Variants in TRIP11 observed in about 807,000 individuals in gnomAD.
TRIP11 encodes thyroid receptor-interacting protein 11.
In TRIP11, 148 loss-of-function variants were observed where a neutral mutation model predicts 223.1. The observed-to-expected ratio is 0.66, with a 90% confidence interval of 0.58 to 0.76. The LOEUF (loss-of-function observed/expected upper bound fraction) is 0.76, where lower values mean the gene tolerates loss of function less well. Among genes scored for constraint, TRIP11 ranks in the 30% least tolerant of loss-of-function variants. The pLI, the probability that TRIP11 is intolerant of heterozygous loss-of-function variation, is 0.00. For synonymous variants in TRIP11, 762 were observed against 772.6 expected (o/e 0.99, Z 0.23); for missense variants, 2,043 against 2,222.0 (o/e 0.92, Z 1.62).
rs2140118476 is a variant in TRIP11, at chr14:92,005,371, A to G, written c.2605T>C (p.Leu869=). The G allele has an allele frequency of 6.2e-7, 1 of 1,614,152 alleles. No individual in the cohort carries two copies. Among genetic ancestry groups the G allele is most frequent in the Non-Finnish European group, 8.5e-7 (1 of 1,180,030 alleles). ...KEENNHLQEE[L]ERLREEQSRT... is the part of the protein sequence containing the mutation. ...CTCTGCTCTTCCCTGAGTCGTTCCA[A>G]TTCTTCTTGCAGATGATTATTTTCC... The change falls in exon 11 of 21, where the codon TTG becomes CTG. Residue 869 remains leucine (L), a synonymous_variant. Coordinates refer to ENST00000267622, the MANE Select transcript of TRIP11 (RefSeq NM_004239.4).
chr14:92,005,088 T>C lies in TRIP11; in HGVS notation c.2888A>G (p.Glu963Gly). 3.1e-6 allele frequency: 5 copies of C among 1,613,866 alleles called. No individual in the cohort carries two copies. The highest frequency in any genetic ancestry group is 4.2e-6 in the Non-Finnish European group (5 of 1,180,028). Residue 963 changes from glutamate (E) to glycine (G), a missense_variant, in exon 11 of 21, where the codon GAG becomes GGG. By Grantham distance (98) the Glu-to-Gly change is moderately conservative (BLOSUM62 -2). Coordinates refer to ENST00000267622, the MANE Select transcript of TRIP11 (RefSeq NM_004239.4). ...TGTTTTTTGCAAACTCTTAATTTCC[T>C]CATCCTTCTCTAAAAAGAGCTGGGT... ...THTQLFLEKDEEIKSLQKTIE... is the reference protein window; with the variant it reads ...THTQLFLEKDGEIKSLQKTIE...
chr14:91,999,008 G>T (rs989154385), intron 13 of TRIP11, among the ~76,000 whole-genome samples: 1 of 152,140 alleles, frequency 6.6e-6, no homozygotes, highest in African/African-American at 2.4e-5. Context: ...TCAAAACACA[G>T]ACAGTTTGAA....
intron 5 of TRIP11, among the ~76,000 whole-genome samples, chr14:92,017,372 T>C (rs2057047699): frequency 6.6e-6 from 1 of 151,922 alleles, no homozygotes; most frequent in South Asian, 2.1e-4. Context: ...GCAAACCCCA[T>C]CTATACAAAA....
chr14:92,017,503 G>A (rs1476837395), intron 5 of TRIP11, among the ~76,000 whole-genome samples, 179 bp downstream of exon 5: 8 of 152,164 alleles, frequency 5.3e-5, no homozygotes, highest in Admixed American at 1.3e-4. Flanking sequence ...ACCTGATCAT[G>A]CCACTGCACT....
intron 3 of TRIP11, among the ~76,000 whole-genome samples, chr14:92,023,303 T>A (rs1397732118): frequency 1.3e-5 from 2 of 152,220 alleles, no homozygotes; most frequent in Admixed American, 6.5e-5. Flanking sequence ...GGGTTTCACA[T>A]TTCAGGTATT....
At chr14:92,020,379 G>A (rs190058573) in intron 4 of TRIP11, among the ~76,000 whole-genome samples, 53 of 151,958 alleles carry the variant, frequency 3.5e-4, no homozygotes, top group African/African-American at 1.2e-3. Flanking sequence ...GACAAAAAAG[G>A]GCTCCTTGGA....
Position 92,025,364 on chromosome 14 carries a change from C to G in TRIP11, c.258G>C (p.Glu86Asp). The G allele has an allele frequency of 1.2e-6, 2 of 1,613,506 alleles. No individual in the cohort carries two copies. Among genetic ancestry groups the G allele is most frequent in the Non-Finnish European group, 1.7e-6 (2 of 1,179,946 alleles). The change falls in exon 3 of 21, where the codon GAG becomes GAC. Residue 86 changes from glutamate to aspartate, a missense_variant. Glu to Asp is a conservative substitution (Grantham distance 45). Transcript: ENST00000267622. ...TTGTAGATTGCTGCTTTATTTGAAT[C>G]TCTGATGCTTCATGTTTCTCTTCTA... ...TDLEEKHEASEIQIKQQSTSY... is the reference protein window; with the variant it reads ...TDLEEKHEASDIQIKQQSTSY...
At chr14:91,995,211 G>A (rs2056734270) in intron 14 of TRIP11, 141 bp downstream of exon 14, 2 of 871,778 alleles carry the variant, frequency 2.3e-6, no homozygotes, top group African/African-American at 3.4e-5. Context: ...TTAACTTTTT[G>A]ATGGCTACTC....
intron 2 of TRIP11, 97 bp from the exon 3 acceptor site, chr14:92,025,517 C>A (rs894305649): frequency 1.9e-5 from 15 of 782,000 alleles, no homozygotes; most frequent in Middle Eastern, 2.3e-4. Flanking sequence ...TTTCCCCCCC[C>A]AAAAATGTCA....
rs572028677 is a variant in TRIP11 at position 91,995,212 on chromosome 14, A to G, written c.5056+140T>C. The G allele has an allele frequency of 4.8e-5, 42 of 880,152 alleles. No homozygotes were observed. The African/African-American group carries it at 6.5e-4, about 14-fold the overall frequency. 54.5% of individuals were successfully genotyped at this position (880,152 alleles called of 1,614,324 possible). On this transcript the variant is annotated intron_variant, in intron 14 of 20. Transcript: ENST00000267622. The stretch of plus-strand genomic sequence containing the variant: ...AAAAGGAGTCTAAATTAACTTTTTG[A>G]TGGCTACTCACCCTTCCCCTCTACC...
chr14:91,966,054 T>C lies in TRIP11; in HGVS notation c.*3619A>G. ...TGCCAACTTACATATATCATTTTTA[T>C]TTGGAGTATTTTTTTGCCTTGCAGT... On this transcript the variant is annotated 3_prime_UTR_variant, in exon 21 of 21. Transcript: ENST00000267622. The C allele has an allele frequency of 5.9e-6, 1 of 170,918 alleles. No homozygotes were observed. The highest frequency in any genetic ancestry group is 1.3e-5 in the Non-Finnish European group (1 of 78,618). 10.6% of individuals were successfully genotyped at this position (170,918 alleles called of 1,614,324 possible).
chr14:92,027,419 G>A (rs1186897779), intron 2 of TRIP11, among the ~76,000 whole-genome samples: 3 of 151,968 alleles, frequency 2.0e-5, no homozygotes, highest in Admixed American at 2.0e-4. Context: ...GTATGAGATG[G>A]TTAAAAAGGC....
chr14:91,970,071 A>T (rs1449596360), intron 20 of TRIP11, among the ~76,000 whole-genome samples, 178 bp from the exon 21 acceptor site: 1 of 152,210 alleles, frequency 6.6e-6, no homozygotes, highest in East Asian at 1.9e-4. Context: ...GACGGTAATA[A>T]CACTGGCATC....
rs752003745 is a variant in TRIP11 at position 92,037,399 on chromosome 14, T to C, written c.139+2148A>G. The stretch of plus-strand genomic sequence containing the variant: ...ACCAAGTACTTAAGTACCTGACATA[T>C]GAGCAGGGTTGTACAGGAGAATTGT... On this transcript the variant is annotated intron_variant, in intron 1 of 20. Transcript: ENST00000267622. The surrounding 1 kb of genome is among the most constrained non-coding windows in gnomAD (Gnocchi z 4.2). Among the ~76,000 whole-genome samples the C allele has an allele frequency of 2.0e-5, 3 of 152,190 alleles. No homozygotes were observed. Among genetic ancestry groups the C allele is most frequent in the Admixed American group, 6.5e-5 (1 of 15,278 alleles).
intron 2 of TRIP11, 37 bp from the exon 3 acceptor site, chr14:92,025,457 A>G (rs780974477): frequency 3.4e-6 from 5 of 1,458,624 alleles, no homozygotes; most frequent in Non-Finnish European, 2.9e-6. Flanking sequence ...AAAGACTGCA[A>G]GTAAAACATG....
intron 3 of TRIP11, 149 bp downstream of exon 3, chr14:92,025,161 G>A (rs2057165248): frequency 1.6e-6 from 1 of 639,672 alleles, no homozygotes; most frequent in South Asian, 2.0e-5. Flanking sequence ...ATTAAATAAG[G>A]GATATCAAAC....
intron 4 of TRIP11, among the ~76,000 whole-genome samples, chr14:92,017,984 CA>C (rs2140133578): frequency 6.6e-6 from 1 of 151,652 alleles, no homozygotes; most frequent in African/African-American, 2.4e-5. Flanking sequence ...AACAGTTTTA[CA>C]AAATAACTAA....
intron 16 of TRIP11, among the ~76,000 whole-genome samples, chr14:91,987,362 T>C (rs2056616079): frequency 6.6e-6 from 1 of 152,186 alleles, no homozygotes; most frequent in Non-Finnish European, 1.5e-5. Context: ...CCAGCTTACT[T>C]TGGCTTGTCC....
chr14:92,007,739 C>T lies in TRIP11; in HGVS notation c.1428G>A (p.Leu476=), dbSNP rs2056923661. Residue 476 remains leucine (L), a synonymous_variant, in exon 10 of 21, where the codon TTG becomes TTA. Coordinates refer to ENST00000267622, the MANE Select transcript of TRIP11 (RefSeq NM_004239.4). ...DSELHDLRLN[L]EAKEQELNQS... ...GATTGAGTTCTTGTTCCTTTGCCTC[C>T]AAATTAAGTCTTAAGTCATGTAATT... 1 of 1,613,696 alleles carries T rather than the reference C, an allele frequency of 6.2e-7. No homozygotes were observed. Among genetic ancestry groups the T allele is most frequent in the South Asian group, 1.1e-5 (1 of 91,076 alleles).
Sources: allele counts gnomAD v4.1 joint callset (sites outside exome capture counted in the v4.1 genomes callset), GRCh38; gene constraint gnomAD v4.1.1; non-coding constraint Gnocchi (gnomAD v3.1); transcripts MANE v1.5; gene names NCBI Gene and HGNC (gene_info 2026-07-23, HGNC 2026-07-21).